The following CELF5 variants were observed in gnomAD, a reference collection of about 807,000 sequenced individuals.
CELF5 encodes CUGBP Elav-like family member 5.
In CELF5, 6 loss-of-function variants were observed where a neutral mutation model predicts 54.9. That is an observed-to-expected ratio of 0.11 (90% CI 0.06 to 0.22). CELF5 has a LOEUF of 0.22. Ranked by LOEUF, CELF5 falls within the 10% of genes least tolerant of loss-of-function variation. The pLI, the probability that CELF5 is intolerant of heterozygous loss-of-function variation, is 1.00. For synonymous variants in CELF5, 271 were observed against 290.9 expected, an observed-to-expected ratio of 0.93 and a Z score of 0.70; for missense variants, 401 against 678.6, an observed-to-expected ratio of 0.59 and a Z score of 4.54.
At chr19:3,286,246 C>G in intron 10 of CELF5, 1 of 496,850 alleles carries the variant, frequency 2.0e-6, no homozygotes. Flanking sequence ...GCCCCGACCC[C>G]GTAGGAATAG....
rs140132229 is a variant in CELF5, at chr19:3,233,771, A to G, written c.259+8773A>G. The stretch of plus-strand genomic sequence containing the variant: ...GAAGGACTTTGGTTTTTACCCCAAG[A>G]GAGGTGGAGCCATGGAGACCTGTGG... On this transcript the variant is annotated intron_variant, in intron 1 of 12. Coordinates refer to ENST00000292672, the MANE Select transcript of CELF5 (RefSeq NM_021938.4). Among the ~76,000 whole-genome samples, 806 of 152,250 alleles carry G rather than the reference A, an allele frequency of 5.3e-3. 4 individuals carry two copies. Among genetic ancestry groups the G allele is most frequent in the Middle Eastern group, 0.027 (8 of 294 alleles).
intron 1 of CELF5, among the ~76,000 whole-genome samples, chr19:3,233,863 A>G (rs1031950555): frequency 6.6e-6 from 1 of 152,056 alleles, no homozygotes; most frequent in African/African-American, 2.4e-5. Flanking sequence ...CATTTTTTAG[A>G]TGGGGAAACT....
chr19:3,280,652 C>T lies in CELF5; in HGVS notation c.604-547C>T, dbSNP rs576197635. On this transcript the variant is annotated intron_variant, in intron 5 of 12. Coordinates refer to ENST00000292672, the MANE Select transcript of CELF5 (RefSeq NM_021938.4). Reference sequence around the variant, plus strand: ...TGGAGGACAGAGTCAGGATCATCTACTTGTCCCGCCTTGTTCCTCTCCTGT... The same window carrying T: ...TGGAGGACAGAGTCAGGATCATCTATTTGTCCCGCCTTGTTCCTCTCCTGT... Among the ~76,000 whole-genome samples the T allele has an allele frequency of 3.3e-4, 50 of 152,292 alleles. No individual in the cohort carries two copies. The South Asian group carries it at 4.3e-3, about 13-fold the overall frequency.
chr19:3,276,251 T>TG (rs1211016663), intron 4 of CELF5, among the ~76,000 whole-genome samples: 1 of 8,496 alleles, frequency 1.2e-4, no homozygotes, highest in Non-Finnish European at 2.2e-4. Flanking sequence ...GCGGGGCCTG[T>TG]GGGGCAGGGC....
intron 2 of CELF5, among the ~76,000 whole-genome samples, chr19:3,263,245 T>TC (rs1555722189): frequency 2.1e-3 from 183 of 87,620 alleles, no homozygotes; most frequent in African/African-American, 7.9e-3. Context: ...AGATTCTGTC[T>TC]CAAAAAAAAA....
At chr19:3,238,931 TAAAAATA>T (rs2079453223) in intron 1 of CELF5, among the ~76,000 whole-genome samples, 1 of 151,880 alleles carries the variant, frequency 6.6e-6, no homozygotes, top group African/African-American at 2.4e-5. Flanking sequence ...CATCTCAAAA[TAAAAATA>T]AAAAATAAAA....
chr19:3,243,643 G>A (rs2079522790), intron 1 of CELF5, among the ~76,000 whole-genome samples: 1 of 152,072 alleles, frequency 6.6e-6, no homozygotes, highest in South Asian at 2.1e-4. Flanking sequence ...GAGTTTGCAG[G>A]CGCTGCCGTA....
chr19:3,237,824 T>C (rs1000689811), intron 1 of CELF5, among the ~76,000 whole-genome samples: 4 of 151,360 alleles, frequency 2.6e-5, no homozygotes, highest in Admixed American at 2.6e-4. Context: ...CCGAGGCGGG[T>C]GGATCACGAG....
chr19:3,226,289 G>T (rs897591184), intron 1 of CELF5, among the ~76,000 whole-genome samples: 2 of 152,062 alleles, frequency 1.3e-5, no homozygotes, highest in Non-Finnish European at 2.9e-5. Context: ...ATGAATGAAT[G>T]AATGAATGAA....
At chr19:3,291,289 G>A (rs1335491848) in intron 11 of CELF5, among the ~76,000 whole-genome samples, 1 of 151,594 alleles carries the variant, frequency 6.6e-6, no homozygotes, top group Non-Finnish European at 1.5e-5. Context: ...AAAATGGCCA[G>A]GCGCAGTGGC....
intron 1 of CELF5, 25 bp downstream of exon 1, chr19:3,225,023 T>G: frequency 1.0e-6 from 1 of 972,972 alleles, no homozygotes; most frequent in Non-Finnish European, 1.3e-6. Context: ...CCCTCCCCCC[T>G]CTCCCCCTCC....
intron 1 of CELF5, among the ~76,000 whole-genome samples, chr19:3,234,730 G>T (rs1004978448): frequency 6.6e-6 from 1 of 151,968 alleles, no homozygotes. Flanking sequence ...AACAACAACC[G>T]CACCTCCTAT....
chr19:3,295,814 G>A (rs1015076357), intron 12 of CELF5: 2 of 152,118 alleles, frequency 1.3e-5, no homozygotes, highest in African/African-American at 4.8e-5. Flanking sequence ...CCTTACTCAT[G>A]TGACCAATAG....
chr19:3,258,360 A>C (rs1458582620), intron 2 of CELF5, among the ~76,000 whole-genome samples: 1 of 149,300 alleles, frequency 6.7e-6, no homozygotes, highest in East Asian at 2.0e-4. Context: ...GACCTCAAGC[A>C]ATCCTCCCGC....
chr19:3,291,571 CAAA>C (rs34331089), intron 11 of CELF5, among the ~76,000 whole-genome samples: 1 of 85,214 alleles, frequency 1.2e-5, no homozygotes. Flanking sequence ...GACTCCGACT[CAAA>C]AAAAAAAAAA....
At chr19:3,225,037 C>A in intron 1 of CELF5, 39 bp downstream of exon 1, 2 of 1,310,038 alleles carry the variant, frequency 1.5e-6, no homozygotes, top group Non-Finnish European at 2.1e-6. Flanking sequence ...CCCCTCCCTC[C>A]GCCTCCCACC....
intron 2 of CELF5, among the ~76,000 whole-genome samples, chr19:3,267,050 C>T (rs1277671438): frequency 2.0e-5 from 3 of 151,874 alleles, no homozygotes; most frequent in African/African-American, 7.3e-5. Context: ...GCTTCCCCCA[C>T]CCAAGAAAAC....
chr19:3,287,718 A>G (rs560448705), intron 10 of CELF5, among the ~76,000 whole-genome samples: 1 of 152,188 alleles, frequency 6.6e-6, no homozygotes. Context: ...ATGCCACTGC[A>G]CTGCAGCCTG....
chr19:3,250,935 C>T (rs2079639146), intron 1 of CELF5, 50 bp from the exon 2 acceptor site: 4 of 1,398,492 alleles, frequency 2.9e-6, no homozygotes, highest in Non-Finnish European at 4.1e-6. Context: ...GCTGCTGTGA[C>T]CATGGGTGTG....
Sources: gnomAD v4.1 joint callset for allele counts (sites outside exome capture counted in the v4.1 genomes callset) on GRCh38, gnomAD v4.1.1 for gene constraint, MANE v1.5 for transcripts, NCBI Gene and HGNC (gene_info 2026-07-23, HGNC 2026-07-21) for gene names.